PCDHGA10: variants seen among roughly 807,000 people sequenced by gnomAD.
PCDHGA10 encodes the protein protocadherin gamma subfamily A, 10, also known as protocadherin gamma-A10.
Under a neutral mutation model 59.5 loss-of-function variants are expected in PCDHGA10, and 42 were observed. The observed-to-expected ratio is 0.71, with a 90% CI of 0.55 to 0.91. The LOEUF (loss-of-function observed/expected upper bound fraction) is 0.91, where lower values mean the gene tolerates loss of function less well. Ranked by LOEUF, PCDHGA10 falls within the 40% of genes least tolerant of loss-of-function variation. The pLI is 0.00. For synonymous variants in PCDHGA10, 511 were observed against 517.2 expected (o/e 0.99, Z 0.16); for missense variants, 1,111 against 1,198.2 (o/e 0.93, Z 1.07).
At chr5:141,425,253 A>G (rs1019069029) in intron 1 of PCDHGA10, among the ~76,000 whole-genome samples, 12 of 152,196 alleles carry the variant, frequency 7.9e-5, no homozygotes, top group Non-Finnish European at 1.5e-4. Context: ...GATATGAGGT[A>G]TTTGGCTGGG....
intron 1 of PCDHGA10, among the ~76,000 whole-genome samples, chr5:141,444,256 C>T (rs1445343718): frequency 2.1e-5 from 3 of 146,298 alleles, no homozygotes; most frequent in African/African-American, 5.1e-5. Context: ...ACTGCAACCT[C>T]CGCCTCCCAG....
At position 141,477,112 on chromosome 5, in the gene PCDHGA10, A is replaced by C. The variant is rs745449028; in HGVS notation, c.2437-17695A>C. The C allele has an allele frequency of 2.5e-6, 4 of 1,614,262 alleles. No homozygotes were observed. The South Asian group carries it at 4.4e-5, about 18-fold the overall frequency. Reference sequence around the variant, plus strand: ...CCAAAGACAAGGGCGCCAATCCCGAAGGAGCACATTGCAAAGTGTTGGTGG... The same window carrying C: ...CCAAAGACAAGGGCGCCAATCCCGACGGAGCACATTGCAAAGTGTTGGTGG... On this transcript the variant is annotated intron_variant, in intron 1 of 3. Transcript: ENST00000398610. This position sits in a 1 kb window ranked among gnomAD's most constrained non-coding sequence, Gnocchi z 4.9.
chr5:141,431,476 A>G lies in PCDHGA10; in HGVS notation c.2436+15865A>G, dbSNP rs975772031. 1.9e-6 allele frequency: 3 copies of G among 1,613,864 alleles called. No homozygotes were observed. Among genetic ancestry groups the G allele is most frequent in the Admixed American group, 3.3e-5 (2 of 60,032 alleles). ...TGGTTCTGGATGCGAACGACAACGC[A>G]CCAGCGTTTGCTCAGCCCGAGTACC... On this transcript the variant is annotated intron_variant, in intron 1 of 3. Coordinates refer to ENST00000398610, the MANE Select transcript of PCDHGA10 (RefSeq NM_018913.3). This position sits in a 1 kb window ranked among gnomAD's most constrained non-coding sequence, Gnocchi z 4.8.
chr5:141,419,662 T>C (rs767190243), intron 1 of PCDHGA10: 140 of 1,612,700 alleles, frequency 8.7e-5, no homozygotes, highest in South Asian at 2.2e-5. Flanking sequence ...CGGGGCACAA[T>C]GCCTGGCTGT....
At chr5:141,422,714 C>T (rs2096666670) in intron 1 of PCDHGA10, 1 of 1,603,720 alleles carries the variant, frequency 6.2e-7, no homozygotes, top group South Asian at 1.1e-5. Flanking sequence ...ACGGATGACA[C>T]TGTCCAGGGG....
At chr5:141,508,830 C>G (rs1320903059) in intron 3 of PCDHGA10, among the ~76,000 whole-genome samples, 2 of 152,150 alleles carry the variant, frequency 1.3e-5, no homozygotes, top group Non-Finnish European at 2.9e-5. Flanking sequence ...CTGGGCCCCC[C>G]TCCCCTACCC....
At chr5:141,478,840 A>G (rs2099480064) in intron 1 of PCDHGA10, 1 of 1,410,466 alleles carries the variant, frequency 7.1e-7, no homozygotes, top group Non-Finnish European at 9.3e-7. Context: ...AGGGATGGTT[A>G]AGCTAAAACA....
chr5:141,495,603 C>T (rs2099762369), intron 2 of PCDHGA10, among the ~76,000 whole-genome samples: 1 of 152,238 alleles, frequency 6.6e-6, no homozygotes, highest in Non-Finnish European at 1.5e-5. Flanking sequence ...TAGCTTCCGT[C>T]TTGATTGCTG....
At chr5:141,470,132 A>G (rs1411735203) in intron 1 of PCDHGA10, among the ~76,000 whole-genome samples, 1 of 151,586 alleles carries the variant, frequency 6.6e-6, no homozygotes, top group East Asian at 1.9e-4. Context: ...TCGTCTCAAA[A>G]AAAAAGATCA....
In PCDHGA10 at chr5:141,413,451, C is replaced by T. The variant is rs1561742650; in HGVS notation, c.276C>T (p.Gly92=). 6.2e-6 allele frequency: 10 copies of T among 1,614,118 alleles called. No homozygotes were observed. The South Asian group carries it at 1.1e-4, about 18-fold the overall frequency. The part of the protein sequence containing the change: ...NPRSGSLITA[G]RIDREELCAQ... ...GCAGCGGCAGCTTGATCACCGCGGGCAGGATAGACCGGGAGGAGCTCTGCG... is the reference window on the plus strand; with the variant it reads ...GCAGCGGCAGCTTGATCACCGCGGGTAGGATAGACCGGGAGGAGCTCTGCG... The change falls in exon 1 of 4, where the codon GGC becomes GGT. Residue 92 remains glycine, a synonymous_variant. Transcript: ENST00000398610.
In PCDHGA10 at chr5:141,431,371, A is replaced by G. The variant is rs2097366432; in HGVS notation, c.2436+15760A>G. The G allele has an allele frequency of 6.2e-7, 1 of 1,613,998 alleles. No individual in the cohort carries two copies. The highest frequency in any genetic ancestry group is 8.5e-7 in the Non-Finnish European group (1 of 1,180,038). ...TGAAACGCGCCCTGGACCGCGAAGA[A>G]AAGGCTGCTCACCACCTGGTCCTTA... On this transcript the variant is annotated intron_variant, in intron 1 of 3. Transcript: ENST00000398610. The surrounding 1 kb of genome is among the most constrained non-coding windows in gnomAD (Gnocchi z 4.8).
intron 1 of PCDHGA10, among the ~76,000 whole-genome samples, chr5:141,469,170 G>A (rs2099192781): frequency 6.6e-6 from 1 of 152,042 alleles, no homozygotes; most frequent in South Asian, 2.1e-4. Context: ...CAGCTACTTG[G>A]GAGGCTGAGG....
intron 1 of PCDHGA10, chr5:141,433,145 G>C (rs2097571427): frequency 6.2e-7 from 1 of 1,613,922 alleles, no homozygotes; most frequent in Non-Finnish European, 8.5e-7. Flanking sequence ...GCTGTCAGGT[G>C]ATTCGGTATT....
At chr5:141,504,017 T>G (rs1186684262) in intron 2 of PCDHGA10, among the ~76,000 whole-genome samples, 1 of 152,150 alleles carries the variant, frequency 6.6e-6, no homozygotes, top group Non-Finnish European at 1.5e-5. Context: ...TCTCTGCTGG[T>G]CTCTTCCCAC....
intron 2 of PCDHGA10, among the ~76,000 whole-genome samples, chr5:141,498,949 AAGAG>A (rs1417276243): frequency 1.3e-4 from 18 of 133,552 alleles, no homozygotes; most frequent in African/African-American, 1.9e-4. Context: ...AAGAAAGAAA[AAGAG>A]AGAGAGGGAG....
chr5:141,494,234 A>G (rs1299510042), intron 1 of PCDHGA10, among the ~76,000 whole-genome samples: 1 of 152,138 alleles, frequency 6.6e-6, no homozygotes, highest in Non-Finnish European at 1.5e-5. Context: ...CTAAATTAAT[A>G]ATGTATTTAG....
chr5:141,505,381 C>T lies in PCDHGA10; in HGVS notation c.2496-12C>T. On this transcript the variant is annotated splice_polypyrimidine_tract_variant and intron_variant, in intron 2 of 3. Transcript: ENST00000398610. Reference sequence around the variant, plus strand: ...CTGGGAGTCTGTGCTCACCATCCTACTCTCTCCCCAGCTCCCAAAATGGCG... The same window carrying T: ...CTGGGAGTCTGTGCTCACCATCCTATTCTCTCCCCAGCTCCCAAAATGGCG... 1 of 1,614,064 alleles carries T rather than the reference C, an allele frequency of 6.2e-7. No homozygotes were observed.
At chr5:141,505,576 T>C in intron 3 of PCDHGA10, 95 bp downstream of exon 3, 5 of 1,590,334 alleles carry the variant, frequency 3.1e-6, no homozygotes, top group Admixed American at 1.7e-5. Context: ...ATGTCAAACC[T>C]GTGTAGTTTC....
In PCDHGA10 at chr5:141,438,621, TATATATATATATATACACAC is replaced by T. The variant is rs1185208192; in HGVS notation, c.2436+23012_2436+23031del. Among the ~76,000 whole-genome samples, 212 of 41,372 alleles carry T rather than the reference TATATATATATATATACACAC, an allele frequency of 5.1e-3. 1 individual carries two copies. The highest frequency in any genetic ancestry group is 0.03 in the African/African-American group (177 of 5,808). 27.1% of individuals were successfully genotyped at this position (41,372 alleles called of 152,430 possible). On this transcript the variant is annotated intron_variant, in intron 1 of 3. Transcript: ENST00000398610. ...ATATATATATATATATATATATATA[TATATATATATATATACACAC>T]ACACACACACATATATGTATATATA...
Sources: gnomAD v4.1 joint callset for allele counts (sites outside exome capture counted in the v4.1 genomes callset) on GRCh38, gnomAD v4.1.1 for gene constraint, Gnocchi (gnomAD v3.1) non-coding constraint, MANE v1.5 for transcripts, NCBI Gene and HGNC (gene_info 2026-07-23, HGNC 2026-07-21) for gene names.